CDH13: variants seen among roughly 807,000 people sequenced by gnomAD.
The protein encoded by CDH13 is cadherin 13.
A neutral mutation model predicts 63.8 loss-of-function variants in CDH13; 24 were observed. The observed-to-expected ratio is 0.38, with a 90% CI of 0.27 to 0.53. The LOEUF is 0.53. CDH13 is among the 20% of genes least tolerant of loss of function. CDH13 has a pLI of 0.85. For synonymous variants in CDH13, 503 were observed against 355.3 expected, an observed-to-expected ratio of 1.42 and a Z score of -4.67; for missense variants, 1,049 against 903.1, an observed-to-expected ratio of 1.16 and a Z score of -2.07.
intron 13 of CDH13, among the ~76,000 whole-genome samples, chr16:83,784,819 A>C (rs1434164964): frequency 6.6e-6 from 1 of 151,906 alleles, no homozygotes; most frequent in South Asian, 2.1e-4. Flanking sequence ...TGGTCTTCCC[A>C]CTGCAAAGCC....
At chr16:82,796,175 C>T (rs4783279) in intron 1 of CDH13, among the ~76,000 whole-genome samples, 20,933 of 151,894 alleles carry the variant, frequency 0.14, 1,518 homozygotes, top group Non-Finnish European at 0.16. Context: ...GGTAATACAG[C>T]CAGTAAATTG....
chr16:83,160,159 C>A (rs1057448489), intron 4 of CDH13, among the ~76,000 whole-genome samples: 3 of 152,076 alleles, frequency 2.0e-5, no homozygotes, highest in Non-Finnish European at 4.4e-5. Flanking sequence ...ACTATGAATT[C>A]TGTAGGAAAG....
chr16:83,031,554 C>A (rs1293105232), intron 2 of CDH13, among the ~76,000 whole-genome samples: 2 of 151,790 alleles, frequency 1.3e-5, no homozygotes, highest in East Asian at 3.9e-4. Context: ...TTTGAATAGC[C>A]TATAATGTCT....
intron 6 of CDH13, among the ~76,000 whole-genome samples, chr16:83,445,298 A>T (rs9929771): frequency 0.47 from 60,218 of 127,564 alleles, 14,394 homozygotes; most frequent in East Asian, 0.79. Context: ...GGTTTTATAA[A>T]TTATAAAAGG....
chr16:83,261,184 G>A (rs952067368), intron 5 of CDH13, among the ~76,000 whole-genome samples: 10 of 152,126 alleles, frequency 6.6e-5, no homozygotes, highest in East Asian at 1.9e-4. Flanking sequence ...GCAAGGGGGC[G>A]TGCATGCGGA....
chr16:83,649,292 C>G (rs984149082), intron 8 of CDH13, among the ~76,000 whole-genome samples: 6 of 152,286 alleles, frequency 3.9e-5, no homozygotes, highest in Non-Finnish European at 7.3e-5. Context: ...TCAACAGTGA[C>G]CATTTATATT....
intron 1 of CDH13, among the ~76,000 whole-genome samples, chr16:82,668,406 G>A (rs1391759123): frequency 1.3e-5 from 2 of 152,120 alleles, no homozygotes; most frequent in African/African-American, 4.8e-5. Context: ...CATTCCATGA[G>A]GGGTAAAATA....
chr16:83,083,574 T>G (rs892366550), intron 3 of CDH13, among the ~76,000 whole-genome samples: 1 of 152,160 alleles, frequency 6.6e-6, no homozygotes. Context: ...CCACCGAAAT[T>G]CTGTTGTTTT....
At chr16:83,738,130 C>T (rs1436813746) in intron 10 of CDH13, among the ~76,000 whole-genome samples, 2 of 152,196 alleles carry the variant, frequency 1.3e-5, no homozygotes, top group African/African-American at 4.8e-5. Flanking sequence ...AGCCTGCTGG[C>T]ATGGCCCTTG....
chr16:82,919,188 T>A (rs2042081902), intron 2 of CDH13, among the ~76,000 whole-genome samples: 1 of 152,214 alleles, frequency 6.6e-6, no homozygotes, highest in South Asian at 2.1e-4. Context: ...TTTACATCTT[T>A]GTCATATGGC....
intron 3 of CDH13, among the ~76,000 whole-genome samples, chr16:83,088,252 G>A (rs1369086491): frequency 6.6e-6 from 1 of 152,278 alleles, no homozygotes; most frequent in East Asian, 1.9e-4. Flanking sequence ...TGCTGAGGGT[G>A]TCTTGTTGAG....
intron 1 of CDH13, among the ~76,000 whole-genome samples, chr16:82,819,310 C>A (rs918649301): frequency 4.6e-5 from 7 of 152,180 alleles, no homozygotes; most frequent in African/African-American, 7.2e-5. Flanking sequence ...AGGTATTGAA[C>A]CTTTTCAGCC....
chr16:83,588,740 G>C (rs912820664), intron 7 of CDH13, among the ~76,000 whole-genome samples: 1 of 152,204 alleles, frequency 6.6e-6, no homozygotes, highest in South Asian at 2.1e-4. Flanking sequence ...GAAAAGGTCT[G>C]GTTGACATCA....
intron 4 of CDH13, among the ~76,000 whole-genome samples, chr16:83,166,872 G>A (rs2037697279): frequency 6.6e-6 from 1 of 152,138 alleles, no homozygotes; most frequent in South Asian, 2.1e-4. Context: ...AGACATTTTT[G>A]CAGTGTTGCA....
At chr16:82,880,125 T>C (rs1205966195) in intron 2 of CDH13, among the ~76,000 whole-genome samples, 1 of 151,878 alleles carries the variant, frequency 6.6e-6, no homozygotes, top group Admixed American at 6.6e-5. Flanking sequence ...GAGCAAATGA[T>C]ACATACTGAT....
chr16:83,495,164 G>A (rs1309563653), intron 7 of CDH13, among the ~76,000 whole-genome samples: 2 of 152,174 alleles, frequency 1.3e-5, no homozygotes, highest in Admixed American at 6.5e-5. Flanking sequence ...AGGAGACCCT[G>A]AGAACATATG....
At position 82,899,639 on chromosome 16, in the gene CDH13, G is replaced by T. The variant is rs188039840; in HGVS notation, c.157+41166G>T. Among the ~76,000 whole-genome samples the T allele has an allele frequency of 6.6e-5, 10 of 152,192 alleles. No homozygotes were observed. In the East Asian group the frequency reaches 1.9e-3, roughly 29 times the overall value. ...TGTTTGCGTGTTTTGGAGTATGCAT[G>T]GATTTGGCCTTATAGTTTATTGAGA... is the stretch of plus-strand genomic sequence containing the variant. On this transcript the variant is annotated intron_variant, in intron 2 of 13. Coordinates refer to ENST00000567109, the MANE Select transcript of CDH13 (RefSeq NM_001257.5).
intron 8 of CDH13, among the ~76,000 whole-genome samples, chr16:83,624,876 C>A (rs1910141923): frequency 6.6e-6 from 1 of 152,208 alleles, no homozygotes; most frequent in Admixed American, 6.5e-5. Context: ...TCAAACAGAA[C>A]CAGTTCCCTT....
chr16:83,121,361 G>T (rs1253686735), intron 3 of CDH13, among the ~76,000 whole-genome samples: 1 of 152,174 alleles, frequency 6.6e-6, no homozygotes, highest in Non-Finnish European at 1.5e-5. Flanking sequence ...TAGGTAAATT[G>T]GAGCAGTTTG....
Sources: gnomAD v4.1 joint callset for allele counts (sites outside exome capture counted in the v4.1 genomes callset) on GRCh38, gnomAD v4.1.1 for gene constraint, MANE v1.5 for transcripts, NCBI Gene and HGNC (gene_info 2026-07-23, HGNC 2026-07-21) for gene names.